Variants in CDH4 observed in about 807,000 individuals in gnomAD.
CDH4 encodes the protein cadherin 4.
In CDH4, 33 loss-of-function variants were observed where a neutral mutation model predicts 86.0. The ratio of observed to expected loss-of-function variants is 0.38; its 90% CI spans 0.29 to 0.51. The LOEUF (loss-of-function observed/expected upper bound fraction) is 0.51. Among genes scored for constraint, CDH4 ranks in the 20% least tolerant of loss-of-function variants. The pLI, the probability that CDH4 is intolerant of heterozygous loss-of-function variation, is 0.86. For missense variants in CDH4, 1,114 were observed against 1,307.4 expected (o/e 0.85, Z 2.28); for synonymous variants, 555 against 549.4 (o/e 1.01, Z -0.14).
At chr20:61,671,735 T>C (rs1294339463) in intron 2 of CDH4, among the ~76,000 whole-genome samples, 1 of 146,462 alleles carries the variant, frequency 6.8e-6, no homozygotes, top group Non-Finnish European at 1.5e-5. Flanking sequence ...GATGGGTGGA[T>C]GGATGATGAA....
intron 7 of CDH4, among the ~76,000 whole-genome samples, chr20:61,890,972 C>T (rs138618043): frequency 6.6e-6 from 1 of 152,166 alleles, no homozygotes; most frequent in African/African-American, 2.4e-5. Flanking sequence ...GTCCGGGTCA[C>T]GCTGCACCTC....
chr20:61,886,334 G>A (rs539153105), intron 7 of CDH4, among the ~76,000 whole-genome samples: 19 of 152,348 alleles, frequency 1.2e-4, no homozygotes, highest in African/African-American at 2.2e-4. Flanking sequence ...CAGGCTGGCC[G>A]CCTGCATTAT....
chr20:61,939,163 G>A lies in CDH4; in HGVS notation c.*2220G>A, dbSNP rs892132521. 1 of 152,248 alleles carries A rather than the reference G, an allele frequency of 6.6e-6. No individual in the cohort carries two copies. Among genetic ancestry groups the A allele is most frequent in the African/African-American group, 2.4e-5 (1 of 41,438 alleles). 9.4% of individuals were successfully genotyped at this position (152,248 alleles called of 1,614,324 possible). Reference sequence around the variant, plus strand: ...TGCTTCAGTCCTTCGGAGTATGCGTGGATTGTTCGAAGTGTGACTATGGCC... The same window carrying A: ...TGCTTCAGTCCTTCGGAGTATGCGTAGATTGTTCGAAGTGTGACTATGGCC... On this transcript the variant is annotated 3_prime_UTR_variant, in exon 16 of 16. Coordinates refer to ENST00000614565, the MANE Select transcript of CDH4 (RefSeq NM_001794.5).
intron 7 of CDH4, among the ~76,000 whole-genome samples, chr20:61,877,791 G>A (rs755762514): frequency 3.3e-5 from 5 of 152,336 alleles, no homozygotes; most frequent in South Asian, 2.1e-4. Context: ...GACCAGCATC[G>A]TGGGGGGACA....
Position 61,289,153 on chromosome 20 carries a change from G to A in CDH4, c.169+34216G>A, listed in dbSNP as rs142181690. On this transcript the variant is annotated intron_variant, in intron 2 of 15. Coordinates refer to ENST00000614565, the MANE Select transcript of CDH4 (RefSeq NM_001794.5). ...GGTGATGGGGAGGGCAGAGGAGAAC[G>A]GGGTGCCCCACTGCACCCTGCCATT... Among the ~76,000 whole-genome samples the A allele has an allele frequency of 1.2e-3, 190 of 152,318 alleles. 1 individual carries two copies. Among genetic ancestry groups the A allele is most frequent in the African/African-American group, 4.3e-3 (178 of 41,574 alleles).
At chr20:61,285,476 G>A (rs2084288384) in intron 2 of CDH4, among the ~76,000 whole-genome samples, 2 of 152,252 alleles carry the variant, frequency 1.3e-5, no homozygotes, top group Non-Finnish European at 2.9e-5. Context: ...GGAGAAGAAG[G>A]AAAGAGGGGA....
chr20:61,535,368 C>T (rs1012531587), intron 2 of CDH4, among the ~76,000 whole-genome samples: 4 of 152,142 alleles, frequency 2.6e-5, no homozygotes, highest in African/African-American at 4.8e-5. Context: ...CTCGTGGGCA[C>T]GGATCCCATC....
Position 61,624,823 on chromosome 20 carries a change from G to C in CDH4, c.170-118740G>C, listed in dbSNP as rs1424828266. 2.0e-5 allele frequency among the ~76,000 whole-genome samples: 3 copies of C among 152,210 alleles called. No individual in the cohort carries two copies. The East Asian group carries it at 5.8e-4, about 29-fold the overall frequency. On this transcript the variant is annotated intron_variant, in intron 2 of 15. Transcript: ENST00000614565. ...TCTGAGCTCTAGGGAGCCGACGCTG[G>C]CATGGGGGATAGTACAGACCCGCTC...
chr20:61,588,017 T>C (rs2086491181), intron 2 of CDH4, among the ~76,000 whole-genome samples: 1 of 152,206 alleles, frequency 6.6e-6, no homozygotes. Flanking sequence ...CCGTGGCATT[T>C]TAAAAACATA....
chr20:61,378,537 G>A (rs960162813), intron 2 of CDH4, among the ~76,000 whole-genome samples: 3 of 152,024 alleles, frequency 2.0e-5, no homozygotes, highest in Non-Finnish European at 2.9e-5. Flanking sequence ...GTCTTCCCGC[G>A]GCCTTCTCCT....
At chr20:61,260,852 G>A (rs2084124098) in intron 2 of CDH4, among the ~76,000 whole-genome samples, 1 of 152,206 alleles carries the variant, frequency 6.6e-6, no homozygotes, top group East Asian at 1.9e-4. Context: ...GGTTCAGAAA[G>A]GGAAGTATAT....
intron 2 of CDH4, among the ~76,000 whole-genome samples, chr20:61,461,197 TAAA>T: frequency 1.3e-5 from 2 of 151,878 alleles, no homozygotes; most frequent in African/African-American, 4.8e-5. Context: ...CATTTTTTTT[TAAA>T]AAAAATGCAA....
At chr20:61,706,935 G>A (rs551129736) in intron 2 of CDH4, among the ~76,000 whole-genome samples, 54 of 152,376 alleles carry the variant, frequency 3.5e-4, no homozygotes, top group Non-Finnish European at 6.5e-4. Flanking sequence ...ACGTGGTGGG[G>A]GCCCTGGTCT....
At chr20:61,371,388 A>G (rs1165183173) in intron 2 of CDH4, among the ~76,000 whole-genome samples, 1 of 152,218 alleles carries the variant, frequency 6.6e-6, no homozygotes, top group Admixed American at 6.5e-5. Flanking sequence ...TCCAGTGGAC[A>G]TTGAATACCT....
intron 2 of CDH4, among the ~76,000 whole-genome samples, chr20:61,577,013 A>G (rs775692297): frequency 6.6e-6 from 1 of 152,274 alleles, no homozygotes; most frequent in African/African-American, 2.4e-5. Context: ...GTAGGAGTGC[A>G]TGGAAACATT....
In CDH4 at chr20:61,767,326, GGCCC is replaced by G. The variant is rs1429342474; in HGVS notation, c.397-5676_397-5673del. Among the ~76,000 whole-genome samples the G allele has an allele frequency of 2.0e-5, 3 of 152,200 alleles. No homozygotes were observed. In the East Asian group the frequency reaches 5.8e-4, roughly 29 times the overall value. ...TCCATAGAAAGTGAGTGGCTATCAG[GGCCC>G]TGCTGCCCCCACCGGGGCTGTGGTA... On this transcript the variant is annotated intron_variant, in intron 3 of 15. Coordinates refer to ENST00000614565, the MANE Select transcript of CDH4 (RefSeq NM_001794.5).
In CDH4 at chr20:61,757,270, G is replaced by A. The variant is rs73915386; in HGVS notation, c.396+13481G>A. On this transcript the variant is annotated intron_variant, in intron 3 of 15. Transcript: ENST00000614565. ...GCCCCCTCCAGGGGGCTCGAGTTTC[G>A]GGGGTGGTGGGCCGTCAGTATTAGG... 5.1e-3 allele frequency among the ~76,000 whole-genome samples: 780 copies of A among 152,168 alleles called. 9 individuals carry two copies. Among genetic ancestry groups the A allele is most frequent in the African/African-American group, 0.018 (734 of 41,510 alleles).
intron 2 of CDH4, chr20:61,740,598 C>G (rs1265338241): frequency 6.6e-6 from 1 of 152,228 alleles, no homozygotes; most frequent in East Asian, 1.9e-4. Context: ...TCTGAATGAC[C>G]CCCCCATCTT....
At chr20:61,881,588 C>A (rs570449712) in intron 7 of CDH4, among the ~76,000 whole-genome samples, 1 of 152,172 alleles carries the variant, frequency 6.6e-6, no homozygotes, top group Non-Finnish European at 1.5e-5. Context: ...TGGGCCCAGG[C>A]GGCTGGGGTC....
Sources: gnomAD v4.1 joint callset for allele counts (sites outside exome capture counted in the v4.1 genomes callset) on GRCh38, gnomAD v4.1.1 for gene constraint, MANE v1.5 for transcripts, NCBI Gene and HGNC (gene_info 2026-07-23, HGNC 2026-07-21) for gene names.